The following TENM3 variants were observed in gnomAD, a reference collection of about 807,000 sequenced individuals.
TENM3 encodes the protein teneurin-3.
A neutral mutation model predicts 255.1 loss-of-function variants in TENM3; 63 were observed. That is an observed-to-expected ratio of 0.25 (90% CI 0.20 to 0.30). The LOEUF is 0.30. TENM3 is among the 10% of genes least tolerant of loss of function. TENM3 has a pLI of 1.00. For missense variants in TENM3, 2,929 were observed against 3,461.1 expected, an observed-to-expected ratio of 0.85 and a Z score of 3.86; for synonymous variants, 1,306 against 1,322.3, an observed-to-expected ratio of 0.99 and a Z score of 0.27.
intron 3 of TENM3, among the ~76,000 whole-genome samples, chr4:182,456,897 G>C (rs574704559): frequency 6.8e-4 from 104 of 152,252 alleles, no homozygotes; most frequent in African/African-American, 2.3e-3. Flanking sequence ...AACAAAAACA[G>C]CTGGGCCCGG....
At chr4:181,894,526 C>T in the TENM3 span, among the ~76,000 whole-genome samples, 1 of 152,124 alleles carries the variant, frequency 6.6e-6, no homozygotes, top group African/African-American at 2.4e-5. Flanking sequence ...CATTATCTTA[C>T]TACTGTCAGG....
chr4:181,754,155 A>G, the TENM3 span, among the ~76,000 whole-genome samples: 2 of 152,212 alleles, frequency 1.3e-5, no homozygotes, highest in Admixed American at 6.5e-5. Context: ...TCACATTAGT[A>G]TATTTGACAA....
At chr4:182,036,228 A>G in the TENM3 span, among the ~76,000 whole-genome samples, 33 of 151,800 alleles carry the variant, frequency 2.2e-4, no homozygotes, top group Non-Finnish European at 4.0e-4. Flanking sequence ...GTCTTGCTCT[A>G]TCGCCCAGGC....
intron 6 of TENM3, among the ~76,000 whole-genome samples, chr4:182,662,756 A>G (rs1754335886): frequency 6.6e-6 from 1 of 152,170 alleles, no homozygotes; most frequent in Non-Finnish European, 1.5e-5. Flanking sequence ...GCTTCAGAGG[A>G]AAAAGTTGTG....
At chr4:182,134,066 C>A in the TENM3 span, among the ~76,000 whole-genome samples, 1 of 151,594 alleles carries the variant, frequency 6.6e-6, no homozygotes, top group Non-Finnish European at 1.5e-5. Flanking sequence ...ATTAGAAAAT[C>A]ATTGGTCCAG....
chr4:181,658,976 G>T, the TENM3 span, among the ~76,000 whole-genome samples: 566 of 152,154 alleles, frequency 3.7e-3, 6 homozygotes, highest in East Asian at 0.054. Flanking sequence ...GAAAAGTGAG[G>T]CTGAGACTTG....
chr4:182,533,983 T>G (rs1003367373), intron 3 of TENM3, among the ~76,000 whole-genome samples: 17 of 152,308 alleles, frequency 1.1e-4, no homozygotes, highest in African/African-American at 3.6e-4. Flanking sequence ...TTTACTGAGT[T>G]GTCACTGAAT....
intron 18 of TENM3, among the ~76,000 whole-genome samples, 162 bp downstream of exon 18, chr4:182,738,706 T>C (rs984040988): frequency 2.0e-5 from 3 of 152,200 alleles, no homozygotes; most frequent in African/African-American, 7.2e-5. Flanking sequence ...TTAAAGATTA[T>C]AAAAGCCTAA....
At chr4:181,936,802 G>T in the TENM3 span, among the ~76,000 whole-genome samples, 12 of 151,898 alleles carry the variant, frequency 7.9e-5, no homozygotes. Context: ...CCCAAGGAAA[G>T]CCCAGGACTA....
chr4:181,904,058 CTT>C, the TENM3 span, among the ~76,000 whole-genome samples: 1 of 152,124 alleles, frequency 6.6e-6, no homozygotes, highest in Non-Finnish European at 1.5e-5. Context: ...GCATCTAAAA[CTT>C]AAGTTGAAAA....
intron 3 of TENM3, among the ~76,000 whole-genome samples, chr4:182,554,171 G>C (rs1469372670): frequency 6.6e-6 from 1 of 152,100 alleles, no homozygotes; most frequent in African/African-American, 2.4e-5. Context: ...CTGATGACCA[G>C]CTGAGTTTTA....
At chr4:181,461,896 C>T in the TENM3 span, among the ~76,000 whole-genome samples, 1 of 151,782 alleles carries the variant, frequency 6.6e-6, no homozygotes, top group Non-Finnish European at 1.5e-5. Context: ...TCATATTTTC[C>T]TGCTTCTTGG....
At chr4:182,507,878 C>G (rs1366261055) in intron 3 of TENM3, among the ~76,000 whole-genome samples, 1 of 152,152 alleles carries the variant, frequency 6.6e-6, no homozygotes, top group Non-Finnish European at 1.5e-5. Flanking sequence ...AGAGTATCCA[C>G]TAATTATTTC....
intron 5 of TENM3, among the ~76,000 whole-genome samples, chr4:182,634,081 T>C (rs2152481164): frequency 6.6e-6 from 1 of 152,238 alleles, no homozygotes. Flanking sequence ...CAGACCACAA[T>C]ATGAGTAGCA....
the TENM3 span, among the ~76,000 whole-genome samples, chr4:181,492,613 A>C: frequency 6.6e-6 from 1 of 152,264 alleles, no homozygotes; most frequent in South Asian, 2.1e-4. Flanking sequence ...TTCCATCGTG[A>C]ATATTTTCGG....
intron 3 of TENM3, among the ~76,000 whole-genome samples, chr4:182,398,599 G>A (rs1769012557): frequency 6.6e-6 from 1 of 152,172 alleles, no homozygotes; most frequent in Admixed American, 6.5e-5. Flanking sequence ...GCAGATAGGA[G>A]TTGAATAAAA....
At chr4:182,082,294 A>G in the TENM3 span, among the ~76,000 whole-genome samples, 1 of 152,104 alleles carries the variant, frequency 6.6e-6, no homozygotes, top group African/African-American at 2.4e-5. Context: ...GATCTCTTTT[A>G]TAAGGGTACT....
At chr4:182,418,886 A>T (rs906460768) in intron 3 of TENM3, among the ~76,000 whole-genome samples, 17 of 152,088 alleles carry the variant, frequency 1.1e-4, no homozygotes, top group African/African-American at 4.1e-4. Context: ...TAAGAGTGGG[A>T]TATGACTTGC....
the TENM3 span, among the ~76,000 whole-genome samples, chr4:181,459,969 T>C: frequency 6.6e-6 from 1 of 152,066 alleles, no homozygotes; most frequent in African/African-American, 2.4e-5. Flanking sequence ...TCACTTCACT[T>C]ACCTCTCTTC....
Sources: gnomAD v4.1 joint callset for allele counts (sites outside exome capture counted in the v4.1 genomes callset) on GRCh38, gnomAD v4.1.1 for gene constraint, MANE v1.5 for transcripts, NCBI Gene and HGNC (gene_info 2026-07-23, HGNC 2026-07-21) for gene names.